The following SULF2 variants were observed in gnomAD, a reference collection of about 807,000 sequenced individuals.
SULF2 encodes extracellular sulfatase Sulf-2.
Under a neutral mutation model 107.7 loss-of-function variants are expected in SULF2, and 52 were observed. The ratio of observed to expected loss-of-function variants is 0.48; its 90% CI spans 0.39 to 0.61. The LOEUF (loss-of-function observed/expected upper bound fraction) is 0.61, where lower values mean the gene tolerates loss of function less well. SULF2 is among the 20% of genes least tolerant of loss of function. The probability of loss-of-function intolerance (pLI) is 0.00; values close to 1 mark genes in which losing one functional copy is unlikely to be tolerated. For synonymous variants in SULF2, 460 were observed against 464.3 expected, an observed-to-expected ratio of 0.99 and a Z score of 0.12; for missense variants, 993 against 1,177.3, an observed-to-expected ratio of 0.84 and a Z score of 2.29.
chr20:47,746,992 A>T lies in SULF2; in HGVS notation c.176-10050T>A, dbSNP rs867375102. ...TAGAACTTAAATAAATAAAAAAAAA[A>T]AAATATATATATATATATATATATA... On this transcript the variant is annotated intron_variant, in intron 2 of 20. Transcript: ENST00000688720. Among the ~76,000 whole-genome samples, 335 of 90,302 alleles carry T rather than the reference A, an allele frequency of 3.7e-3. 2 individuals are homozygous for T. Among genetic ancestry groups the T allele is most frequent in the East Asian group, 0.014 (51 of 3,678 alleles). The allele number at this position is 90,302 out of a possible 152,430, so 59.2% of individuals were successfully genotyped here.
At chr20:47,697,628 G>A (rs1297952518) in intron 4 of SULF2, among the ~76,000 whole-genome samples, 1 of 152,146 alleles carries the variant, frequency 6.6e-6, no homozygotes, top group African/African-American at 2.4e-5. Context: ...CTCTGCCCAC[G>A]TCCCTGTTAG....
intron 3 of SULF2, 82 bp downstream of exon 3, chr20:47,736,621 C>T (rs1490799359): frequency 1.2e-5 from 19 of 1,565,362 alleles, no homozygotes; most frequent in Non-Finnish European, 1.4e-5. Flanking sequence ...AACTTGGGTA[C>T]CGCAGTGGTG....
At chr20:47,702,915 T>C (rs2088618488) in intron 3 of SULF2, among the ~76,000 whole-genome samples, 1 of 152,162 alleles carries the variant, frequency 6.6e-6, no homozygotes, top group Non-Finnish European at 1.5e-5. Flanking sequence ...ATACAGTGTG[T>C]CTTTTATTTT....
At chr20:47,761,905 G>C (rs2090426918) in intron 1 of SULF2, among the ~76,000 whole-genome samples, 1 of 152,172 alleles carries the variant, frequency 6.6e-6, no homozygotes, top group Non-Finnish European at 1.5e-5. Flanking sequence ...TTGAATCATG[G>C]GGGTGGTTCC....
rs779814179 is a variant in SULF2 at position 47,736,661 on chromosome 20, G to A, written c.415+42C>T. 8.7e-6 allele frequency: 14 copies of A among 1,611,486 alleles called. No homozygotes were observed. The Admixed American group carries it at 2.3e-4, about 27-fold the overall frequency. On this transcript the variant is annotated intron_variant, in intron 3 of 20. Transcript: ENST00000688720. ...GACCACACCTAGGGACGCCCGCCCTGGCTGTCACTCCCTTCCTGCACCTGC... is the reference window on the plus strand; with the variant it reads ...GACCACACCTAGGGACGCCCGCCCTAGCTGTCACTCCCTTCCTGCACCTGC...
rs573609695 is a variant in SULF2, at chr20:47,738,411, G to A, written c.176-1469C>T. The stretch of plus-strand genomic sequence containing the variant: ...TCTTAAGGTGTGCAGTGGGTTGAAC[G>A]GTGCCCCCGTCCCCTAAAGATAAGA... On this transcript the variant is annotated intron_variant, in intron 2 of 20. Coordinates refer to ENST00000688720, the MANE Select transcript of SULF2 (RefSeq NM_001387048.1). Among the ~76,000 whole-genome samples the A allele has an allele frequency of 7.2e-5, 11 of 152,218 alleles. No homozygotes were observed. In the East Asian group the frequency reaches 9.7e-4, roughly 13 times the overall value.
chr20:47,780,442 C>T (rs1490218098), intron 1 of SULF2, among the ~76,000 whole-genome samples: 8 of 152,214 alleles, frequency 5.3e-5, no homozygotes, highest in African/African-American at 2.4e-5. Flanking sequence ...CTTTCCAAGG[C>T]GGACTCCTTC....
chr20:47,744,240 C>T (rs531140295), intron 2 of SULF2, among the ~76,000 whole-genome samples: 18 of 152,058 alleles, frequency 1.2e-4, no homozygotes, highest in African/African-American at 3.4e-4. Flanking sequence ...TGGAGTGCAG[C>T]GGCGCGATCT....
intron 1 of SULF2, among the ~76,000 whole-genome samples, chr20:47,760,343 TCTC>T (rs1226818050): frequency 2.0e-5 from 3 of 152,150 alleles, no homozygotes; most frequent in East Asian, 3.9e-4. Flanking sequence ...GTGCATTTAT[TCTC>T]CTCCCGCACG....
At chr20:47,752,358 T>C (rs2090175650) in intron 2 of SULF2, among the ~76,000 whole-genome samples, 1 of 152,062 alleles carries the variant, frequency 6.6e-6, no homozygotes, top group South Asian at 2.1e-4. Flanking sequence ...TGGTCAATGG[T>C]AGAGTGAGGA....
At chr20:47,702,390 G>A (rs2088600221) in intron 4 of SULF2, 129 bp downstream of exon 4, 2 of 1,075,178 alleles carry the variant, frequency 1.9e-6, no homozygotes, top group Admixed American at 2.8e-5. Flanking sequence ...GGAGGTGTAT[G>A]TAAAATGCTC....
chr20:47,697,474 C>T (rs1285421405), intron 4 of SULF2, among the ~76,000 whole-genome samples: 1 of 152,182 alleles, frequency 6.6e-6, no homozygotes, highest in African/African-American at 2.4e-5. Flanking sequence ...ATCTAGGGCC[C>T]AGGGCACAGG....
chr20:47,702,740 T>C (rs2088613327), intron 3 of SULF2, 70 bp from the exon 4 acceptor site: 19 of 1,515,468 alleles, frequency 1.3e-5, no homozygotes, highest in Middle Eastern at 2.0e-4. Context: ...CTATTGTGTG[T>C]CCGAGGCCTG....
rs552838008 is a variant in SULF2, at chr20:47,705,212, A to G, written c.416-2542T>C. Among the ~76,000 whole-genome samples, 3 of 152,188 alleles carry G rather than the reference A, an allele frequency of 2.0e-5. 1 individual carries two copies. The South Asian group carries it at 6.2e-4, about 32-fold the overall frequency. On this transcript the variant is annotated intron_variant, in intron 3 of 20. Transcript: ENST00000688720. ...CTGTAAGGGTCTGGGTACACAGGGG[A>G]GGTGAAAATAGGAAGGGAGGATCCC...
chr20:47,748,369 A>G (rs181754970), intron 2 of SULF2, among the ~76,000 whole-genome samples: 2 of 152,224 alleles, frequency 1.3e-5, no homozygotes, highest in East Asian at 3.9e-4. Flanking sequence ...ACACAACCCC[A>G]CTTCCCACTG....
At chr20:47,717,815 T>TA (rs1241199720) in intron 3 of SULF2, among the ~76,000 whole-genome samples, 84 of 80,762 alleles carry the variant, frequency 1.0e-3, no homozygotes, top group African/African-American at 3.2e-3. Flanking sequence ...CAGAGATAAT[T>TA]TTTTTTTTTT....
intron 4 of SULF2, among the ~76,000 whole-genome samples, chr20:47,695,754 A>G (rs555649541): frequency 6.6e-6 from 1 of 152,302 alleles, no homozygotes; most frequent in South Asian, 2.1e-4. Context: ...GCTGGACTAC[A>G]GGCATGTGCC....
At chr20:47,744,407 C>A (rs1183937891) in intron 2 of SULF2, among the ~76,000 whole-genome samples, 1 of 152,044 alleles carries the variant, frequency 6.6e-6, no homozygotes, top group Non-Finnish European at 1.5e-5. Flanking sequence ...CCAGGCTGGT[C>A]TTGAACTCCT....
chr20:47,771,787 G>A (rs761329438), intron 1 of SULF2, among the ~76,000 whole-genome samples: 1 of 152,310 alleles, frequency 6.6e-6, no homozygotes, highest in Non-Finnish European at 1.5e-5. Flanking sequence ...GGCCAAGCTT[G>A]GAAGGATGCT....
Sources: allele counts gnomAD v4.1 joint callset (sites outside exome capture counted in the v4.1 genomes callset), GRCh38; gene constraint gnomAD v4.1.1; transcripts MANE v1.5; gene names NCBI Gene and HGNC (gene_info 2026-07-23, HGNC 2026-07-21).